Variants in CPVL observed in about 807,000 individuals in gnomAD.
CPVL encodes probable serine carboxypeptidase CPVL.
In CPVL, 51 loss-of-function variants were observed where a neutral mutation model predicts 63.7. The observed-to-expected ratio is 0.80, with a 90% confidence interval of 0.64 to 1.01. The LOEUF (loss-of-function observed/expected upper bound fraction) is 1.01. Ranked by LOEUF, CPVL falls within the 50% of genes least tolerant of loss-of-function variation. The pLI is 0.00. For missense variants in CPVL, 530 were observed against 573.1 expected (o/e 0.92, Z 0.77); for synonymous variants, 195 against 206.0 (o/e 0.95, Z 0.46).
At chr7:29,004,325 T>C (rs1784959735) in intron 12 of CPVL, among the ~76,000 whole-genome samples, 1 of 152,160 alleles carries the variant, frequency 6.6e-6, no homozygotes, top group African/African-American at 2.4e-5. Context: ...AGATACAGAA[T>C]GAACACCTGA....
At chr7:29,128,472 T>A (rs774976804) in intron 1 of CPVL, among the ~76,000 whole-genome samples, 3 of 152,094 alleles carry the variant, frequency 2.0e-5, no homozygotes, top group African/African-American at 7.2e-5. Flanking sequence ...TCCCAGCACT[T>A]TGGGAGGCCA....
In CPVL at chr7:28,995,766, G is replaced by C. The variant is rs1372690412; in HGVS notation, c.*6C>G. 5.3e-6 allele frequency: 8 copies of C among 1,503,224 alleles called. No individual in the cohort carries two copies. In the East Asian group the frequency reaches 1.8e-4, roughly 35 times the overall value. The allele number at this position is 1,503,224 out of a possible 1,614,324, so 93.1% of individuals were successfully genotyped here. A position where few individuals can be genotyped will look rare whatever the true frequency, so the allele number is the denominator to read the frequency against. On this transcript the variant is annotated 3_prime_UTR_variant, in exon 13 of 13. Coordinates refer to ENST00000265394, the MANE Select transcript of CPVL (RefSeq NM_031311.5). Reference sequence around the variant, plus strand: ...AACCTCTGATGTTCTCTTTTGGGAAGGTAGTTTATCCAACATAAGGATCCC... The same window carrying C: ...AACCTCTGATGTTCTCTTTTGGGAACGTAGTTTATCCAACATAAGGATCCC...
At chr7:29,063,505 G>A (rs1391748380) in intron 11 of CPVL, among the ~76,000 whole-genome samples, 1 of 152,212 alleles carries the variant, frequency 6.6e-6, no homozygotes, top group African/African-American at 2.4e-5. Context: ...AGGATGAGAA[G>A]TGGTGTGTGC....
intron 2 of CPVL, chr7:29,185,717 A>T (rs1798624861): frequency 6.6e-6 from 1 of 152,082 alleles, no homozygotes; most frequent in Non-Finnish European, 1.5e-5. Context: ...CTTCTGAGTG[A>T]TTCTCATATA....
At chr7:29,091,778 C>A (rs147690722) in intron 6 of CPVL, among the ~76,000 whole-genome samples, 1 of 152,144 alleles carries the variant, frequency 6.6e-6, no homozygotes, top group Non-Finnish European at 1.5e-5. Flanking sequence ...CTTCTCTCCC[C>A]CCGGCCACCT....
intron 11 of CPVL, among the ~76,000 whole-genome samples, chr7:29,059,853 A>G (rs1479270849): frequency 1.3e-5 from 2 of 152,112 alleles, no homozygotes; most frequent in Admixed American, 1.3e-4. Flanking sequence ...TTCTACTTAC[A>G]GGTTTGCTCC....
intron 5 of CPVL, among the ~76,000 whole-genome samples, chr7:29,171,686 AG>A (rs1796627427): frequency 6.6e-6 from 1 of 152,214 alleles, no homozygotes; most frequent in South Asian, 2.1e-4. Flanking sequence ...CAGTTGTTGC[AG>A]GCTAAATCCA....
intron 5 of CPVL, among the ~76,000 whole-genome samples, chr7:29,172,350 C>T (rs1464504235): frequency 1.3e-5 from 2 of 152,202 alleles, no homozygotes; most frequent in Admixed American, 6.5e-5. Context: ...AACATTGTGA[C>T]TTCTACACCT....
upstream of CPVL, among the ~76,000 whole-genome samples, chr7:29,149,977 T>C (rs949339360): frequency 1.1e-4 from 17 of 152,348 alleles, no homozygotes; most frequent in African/African-American, 3.6e-4. Flanking sequence ...ACTGCTGCAA[T>C]AGATATTTTT....
At position 29,076,429 on chromosome 7, in the gene CPVL, A is replaced by G. The variant is rs1377281104; in HGVS notation, c.610-4006T>C. ...AAAAGCTCAGAGCAATACCAAAGCA[A>G]TTTTAAAAAGAAAGAGGAAAAGTGT... On this transcript the variant is annotated intron_variant, in intron 7 of 12. Transcript: ENST00000265394. 2.0e-5 allele frequency among the ~76,000 whole-genome samples: 3 copies of G among 152,150 alleles called. No individual in the cohort carries two copies. The East Asian group carries it at 5.8e-4, about 29-fold the overall frequency.
intron 11 of CPVL, among the ~76,000 whole-genome samples, chr7:29,039,339 GTAAA>G (rs1788845820): frequency 6.6e-6 from 1 of 152,114 alleles, no homozygotes; most frequent in African/African-American, 2.4e-5. Context: ...CCTCTGAGGG[GTAAA>G]TAATTTAAGG....
intron 7 of CPVL, among the ~76,000 whole-genome samples, chr7:29,075,085 A>C (rs17676156): frequency 0.12 from 18,712 of 152,102 alleles, 1,265 homozygotes; most frequent in Middle Eastern, 0.15. Flanking sequence ...TTATCACTCC[A>C]ATTTTCTTGT....
upstream of CPVL, among the ~76,000 whole-genome samples, chr7:29,149,772 C>A (rs1484375191): frequency 6.6e-6 from 1 of 152,074 alleles, no homozygotes; most frequent in African/African-American, 2.4e-5. Flanking sequence ...CAGCATCAAC[C>A]CAATCTCTGC....
intron 5 of CPVL, among the ~76,000 whole-genome samples, chr7:29,175,411 G>A (rs1252032735): frequency 6.6e-6 from 1 of 151,960 alleles, no homozygotes; most frequent in African/African-American, 2.4e-5. Context: ...CCAGACTTCG[G>A]GTTTTCTGCC....
intron 3 of CPVL, among the ~76,000 whole-genome samples, chr7:29,104,825 C>T (rs988531390): frequency 5.3e-5 from 8 of 152,144 alleles, no homozygotes; most frequent in African/African-American, 2.4e-5. Context: ...CCTTACTTTC[C>T]CTTCTTGATG....
intron 3 of CPVL, among the ~76,000 whole-genome samples, chr7:29,098,299 G>A (rs1011262688): frequency 6.6e-6 from 1 of 152,026 alleles, no homozygotes; most frequent in Non-Finnish European, 1.5e-5. Context: ...GGCCACAGAG[G>A]GCACAGAGGA....
intron 7 of CPVL, among the ~76,000 whole-genome samples, chr7:29,085,492 T>A (rs908920108): frequency 6.6e-6 from 1 of 152,200 alleles, no homozygotes; most frequent in African/African-American, 2.4e-5. Flanking sequence ...GAATGCCAGG[T>A]GATATCCACA....
chr7:29,166,442 A>G (rs576742079), intron 5 of CPVL, among the ~76,000 whole-genome samples: 98 of 152,072 alleles, frequency 6.4e-4, no homozygotes, highest in African/African-American at 2.4e-3. Context: ...TCTTGGCTTG[A>G]TGTGTTTTCT....
intron 1 of CPVL, among the ~76,000 whole-genome samples, chr7:29,123,527 T>G (rs1789582801): frequency 7.1e-6 from 1 of 141,812 alleles, no homozygotes; most frequent in South Asian, 2.3e-4. Flanking sequence ...TTGTTTACAC[T>G]GATGCTTTTA....
Sources: gnomAD v4.1 joint callset for allele counts (sites outside exome capture counted in the v4.1 genomes callset) on GRCh38, gnomAD v4.1.1 for gene constraint, MANE v1.5 for transcripts, NCBI Gene and HGNC (gene_info 2026-07-23, HGNC 2026-07-21) for gene names.